The following NFATC2 variants were observed in gnomAD, a reference collection of about 807,000 sequenced individuals.
NFATC2 encodes the protein nuclear factor of activated T-cells, cytoplasmic 2.
NFATC2 carries 22 observed loss-of-function variants against 87.3 expected under a neutral mutation model. The observed-to-expected ratio is 0.25, with a 90% CI of 0.18 to 0.36. NFATC2 has a LOEUF of 0.36. NFATC2 is among the 10% of genes least tolerant of loss of function. The probability of loss-of-function intolerance (pLI) is 1.00; values close to 1 mark genes in which losing one functional copy is unlikely to be tolerated. For missense variants in NFATC2, 1,149 were observed against 1,259.1 expected, an observed-to-expected ratio of 0.91 and a Z score of 1.32; for synonymous variants, 565 against 542.2, an observed-to-expected ratio of 1.04 and a Z score of -0.58.
intron 1 of NFATC2, among the ~76,000 whole-genome samples, chr20:51,553,826 G>A (rs1427397033): frequency 6.6e-6 from 1 of 151,940 alleles, no homozygotes; most frequent in Non-Finnish European, 1.5e-5. Flanking sequence ...AAGGGGCAGG[G>A]TGGGTAGGGC....
At chr20:51,505,886 C>T (rs1001431312) in intron 3 of NFATC2, among the ~76,000 whole-genome samples, 2 of 152,234 alleles carry the variant, frequency 1.3e-5, no homozygotes, top group Non-Finnish European at 2.9e-5. Context: ...AAAGCCTCCA[C>T]ATGAGAACAA....
intron 2 of NFATC2, among the ~76,000 whole-genome samples, chr20:51,518,627 ATCAC>A (rs1181134274): frequency 1.3e-5 from 2 of 152,148 alleles, no homozygotes; most frequent in Admixed American, 1.3e-4. Context: ...TTATCAAATA[ATCAC>A]TCACATCTAA....
At chr20:51,392,600 T>G (rs1051571527) in intron 10 of NFATC2, among the ~76,000 whole-genome samples, 1 of 152,144 alleles carries the variant, frequency 6.6e-6, no homozygotes, top group African/African-American at 2.4e-5. Context: ...TACTGACTAG[T>G]CGTGGGGTGG....
rs754579317 is a variant in NFATC2, at chr20:51,432,861, C to G, written c.2033-105G>C. Reference sequence around the variant, plus strand: ...GAGAACATGGCCTTGGGAGTCCATACGGGTGGGACAAACAGCTGGTCCCTG... The same window carrying G: ...GAGAACATGGCCTTGGGAGTCCATAGGGGTGGGACAAACAGCTGGTCCCTG... On this transcript the variant is annotated intron_variant, in intron 8 of 10. Transcript: ENST00000371564. This position sits in a 1 kb window ranked among gnomAD's most constrained non-coding sequence, Gnocchi z 4.6. 2.0e-6 allele frequency: 2 copies of G among 987,838 alleles called. No homozygotes were observed. The highest frequency in any genetic ancestry group is 3.5e-5 in the Admixed American group (1 of 28,556). 61.2% of individuals were successfully genotyped at this position (987,838 alleles called of 1,614,324 possible). A position where few individuals can be genotyped will look rare whatever the true frequency, so the allele number is the denominator to read the frequency against.
intron 2 of NFATC2, among the ~76,000 whole-genome samples, chr20:51,522,434 C>A (rs1239051372): frequency 6.6e-6 from 1 of 152,140 alleles, no homozygotes; most frequent in African/African-American, 2.4e-5. Flanking sequence ...GCAGAGATGC[C>A]CGTGTTCACT....
chr20:51,395,548 C>A (rs192916962), intron 10 of NFATC2, among the ~76,000 whole-genome samples: 1 of 151,118 alleles, frequency 6.6e-6, no homozygotes, highest in East Asian at 1.9e-4. Context: ...GTGCTCTTGG[C>A]CTGTGCTCAT....
At position 51,387,221 on chromosome 20, in the gene NFATC2, T is replaced by G. The variant is rs1219337260; in HGVS notation, c.*4275A>C. The G allele has an allele frequency of 1.3e-5, 2 of 152,220 alleles. No homozygotes were observed. The highest frequency in any genetic ancestry group is 2.4e-5 in the African/African-American group (1 of 41,454). 9.4% of individuals were successfully genotyped at this position (152,220 alleles called of 1,614,324 possible). A position where few individuals can be genotyped will look rare whatever the true frequency, so the allele number is the denominator to read the frequency against. On this transcript the variant is annotated 3_prime_UTR_variant, in exon 11 of 11. Coordinates refer to ENST00000371564, the MANE Select transcript of NFATC2 (RefSeq NM_012340.5). ...AGGCCAGAGGGGTGAGTGAGGTTCT[T>G]TGACAAGATGTCCAGGATGCTAAGC...
At chr20:51,482,249 GT>G (rs1989325723) in intron 3 of NFATC2, among the ~76,000 whole-genome samples, 1 of 151,990 alleles carries the variant, frequency 6.6e-6, no homozygotes, top group African/African-American at 2.4e-5. Flanking sequence ...CAAAGAGAAA[GT>G]TATTCAGACT....
rs115068479 is a variant in NFATC2 at position 51,482,160 on chromosome 20, C to G, written c.1333-6500G>C. On this transcript the variant is annotated intron_variant, in intron 3 of 10. Transcript: ENST00000371564. The stretch of plus-strand genomic sequence containing the variant: ...TCTGGCCTATGCATTTTAAGACAGG[C>G]AAATCCACCCCACCAGCTCAGCAAT... Among the ~76,000 whole-genome samples the G allele has an allele frequency of 1.2e-3, 185 of 151,690 alleles. 1 individual carries two copies. Among genetic ancestry groups the G allele is most frequent in the African/African-American group, 4.4e-3 (182 of 41,348 alleles).
At chr20:51,559,722 A>AAC (rs2077005829) in intron 1 of NFATC2, among the ~76,000 whole-genome samples, 1 of 152,240 alleles carries the variant, frequency 6.6e-6, no homozygotes, top group African/African-American at 2.4e-5. Context: ...CTAGGGCAGG[A>AAC]ATTGAGCACT....
intron 1 of NFATC2, among the ~76,000 whole-genome samples, chr20:51,536,154 C>T (rs1461862123): frequency 6.6e-6 from 1 of 152,180 alleles, no homozygotes; most frequent in Non-Finnish European, 1.5e-5. Flanking sequence ...TGAGTATAAT[C>T]CCATTAGGAC....
chr20:51,429,169 G>A (rs956080638), intron 9 of NFATC2, among the ~76,000 whole-genome samples: 5 of 152,210 alleles, frequency 3.3e-5, no homozygotes, highest in South Asian at 2.1e-4. Flanking sequence ...GCTAGGAGAC[G>A]GGCTAGGAGA....
At chr20:51,458,694 G>A (rs1986828376) in intron 5 of NFATC2, among the ~76,000 whole-genome samples, 1 of 151,422 alleles carries the variant, frequency 6.6e-6, no homozygotes, top group African/African-American at 2.4e-5. Context: ...TGTGTCTGTA[G>A]TCCCAGCTAC....
At chr20:51,426,584 C>A (rs936637996) in intron 9 of NFATC2, among the ~76,000 whole-genome samples, 1 of 152,200 alleles carries the variant, frequency 6.6e-6, no homozygotes, top group Non-Finnish European at 1.5e-5. Context: ...AAGGGAGGAA[C>A]TGTGACTGTC....
At chr20:51,481,319 C>T (rs951076514) in intron 3 of NFATC2, among the ~76,000 whole-genome samples, 7 of 151,826 alleles carry the variant, frequency 4.6e-5, no homozygotes, top group African/African-American at 1.5e-4. Context: ...TTTCGGGAGA[C>T]CTCGGTCAGG....
chr20:51,421,073 T>TAAA (rs5841842), intron 9 of NFATC2, among the ~76,000 whole-genome samples: 1 of 130,388 alleles, frequency 7.7e-6, no homozygotes, highest in Non-Finnish European at 1.7e-5. Context: ...CCCTATGTCT[T>TAAA]AAAAAAAAAA....
intron 3 of NFATC2, among the ~76,000 whole-genome samples, chr20:51,504,146 C>T (rs1211982586): frequency 1.3e-5 from 2 of 152,164 alleles, no homozygotes; most frequent in Non-Finnish European, 2.9e-5. Context: ...CCTCAGCCTC[C>T]TGAGTAGCTA....
intron 9 of NFATC2, among the ~76,000 whole-genome samples, chr20:51,418,439 C>A (rs1284120273): frequency 6.6e-6 from 1 of 152,346 alleles, no homozygotes; most frequent in African/African-American, 2.4e-5. Context: ...CTTTCATGCA[C>A]AGGATAGCCC....
chr20:51,465,600 T>C (rs1987602982), intron 5 of NFATC2, among the ~76,000 whole-genome samples: 1 of 152,130 alleles, frequency 6.6e-6, no homozygotes, highest in Non-Finnish European at 1.5e-5. Flanking sequence ...GTACTGGCTA[T>C]ACTTCCCCGT....
Sources: gnomAD v4.1 joint callset for allele counts (sites outside exome capture counted in the v4.1 genomes callset) on GRCh38, gnomAD v4.1.1 for gene constraint, Gnocchi (gnomAD v3.1) non-coding constraint, MANE v1.5 for transcripts, NCBI Gene and HGNC (gene_info 2026-07-23, HGNC 2026-07-21) for gene names.